SLC44A4: variants seen among roughly 807,000 people sequenced by gnomAD.
The protein encoded by SLC44A4 is solute carrier family 44 member 4, also known as choline transporter-like protein 4.
In SLC44A4, 74 loss-of-function variants were observed where a neutral mutation model predicts 97.0. The observed-to-expected ratio is 0.76, with a 90% CI of 0.63 to 0.93. The LOEUF (loss-of-function observed/expected upper bound fraction) is 0.93, where lower values mean the gene tolerates loss of function less well. Among genes scored for constraint, SLC44A4 ranks in the 40% least tolerant of loss-of-function variants. The pLI is 0.00. For synonymous variants in SLC44A4, 325 were observed against 363.8 expected (o/e 0.89, Z 1.21); for missense variants, 799 against 902.9 (o/e 0.88, Z 1.48).
chr6:31,875,082 G>A, intron 4 of SLC44A4, 54 bp from the exon 5 acceptor site: 1 of 1,433,946 alleles, frequency 7.0e-7, no homozygotes, highest in Non-Finnish European at 9.8e-7. Context: ...GTTGGGGGAG[G>A]GGAGGGACCA....
intron 11 of SLC44A4, among the ~76,000 whole-genome samples, chr6:31,870,248 GTGATCCCT>G (rs1763085175): frequency 1.3e-5 from 2 of 152,116 alleles, no homozygotes; most frequent in African/African-American, 4.8e-5. Flanking sequence ...ACCCCCAAGC[GTGATCCCT>G]TGGCAGGTGT....
chr6:31,867,662 G>A (rs1485802461), intron 13 of SLC44A4, among the ~76,000 whole-genome samples: 4 of 151,508 alleles, frequency 2.6e-5, no homozygotes, highest in Admixed American at 2.0e-4. Flanking sequence ...GGAGATCAAG[G>A]CTTCAGTGAG....
intron 7 of SLC44A4, among the ~76,000 whole-genome samples, chr6:31,873,797 G>C (rs1357214903): frequency 1.3e-5 from 2 of 152,114 alleles, no homozygotes; most frequent in Non-Finnish European, 2.9e-5. Flanking sequence ...TGTGCAGGCT[G>C]GGCGTGGTGG....
At chr6:31,864,376 T>G in intron 20 of SLC44A4, 1 of 557,042 alleles carries the variant, frequency 1.8e-6, no homozygotes, top group Non-Finnish European at 3.2e-6. Context: ...ATGCCTGGCC[T>G]CTAATGGCTA....
chr6:31,865,787 G>A lies in SLC44A4; in HGVS notation c.1488-3C>T. The A allele has an allele frequency of 5.0e-6, 8 of 1,613,874 alleles. No homozygotes were observed. The highest frequency in any genetic ancestry group is 6.8e-6 in the Non-Finnish European group (8 of 1,179,924). On this transcript the variant is annotated splice_polypyrimidine_tract_variant and splice_region_variant and intron_variant, in intron 14 of 20. Coordinates refer to ENST00000229729, the MANE Select transcript of SLC44A4 (RefSeq NM_025257.3). The surrounding 1 kb of genome is among the most constrained non-coding windows in gnomAD (Gnocchi z 5.2). Reference sequence around the variant, plus strand: ...ATGCCAATGACCCAGTGTGGTAACTGCAGAGGGTGTTATGCAGTCAGAGAC... The same window carrying A: ...ATGCCAATGACCCAGTGTGGTAACTACAGAGGGTGTTATGCAGTCAGAGAC...
chr6:31,870,483 G>T, intron 11 of SLC44A4, 120 bp downstream of exon 11: 1 of 734,000 alleles, frequency 1.4e-6, no homozygotes, highest in Non-Finnish European at 2.3e-6. Flanking sequence ...TCACCACTGT[G>T]CTATATTCCT....
In SLC44A4 at chr6:31,866,019, G is replaced by A. The variant is rs1039700611; in HGVS notation, c.1341C>T (p.Val447=). The change falls in exon 14 of 21, where the codon GTC becomes GTT. Residue 447 remains valine, a synonymous_variant. Transcript: ENST00000229729. ...AGTTAAGGGTCCAGAAGAGCCCCAG[G>A]ACCCCATAGATTTGCAGATTGAAGA... The part of the protein sequence containing the change: ...RSVFNLQIYG[V]LGLFWTLNWV... The A allele has an allele frequency of 1.2e-6, 2 of 1,614,238 alleles. No individual in the cohort carries two copies. The highest frequency in any genetic ancestry group is 1.7e-6 in the Non-Finnish European group (2 of 1,180,042).
Position 31,874,432 on chromosome 6 carries a change from G to T in SLC44A4, c.529+28C>A. On this transcript the variant is annotated intron_variant, in intron 7 of 20. Coordinates refer to ENST00000229729, the MANE Select transcript of SLC44A4 (RefSeq NM_025257.3). This position sits in a 1 kb window ranked among gnomAD's most constrained non-coding sequence, Gnocchi z 4.8. ...CAATGAAAACACTGGACTAGATGAC[G>T]TCTGAGGAAGGAATCTGTGCTTCTC... 6.2e-7 allele frequency: 1 copy of T among 1,609,972 alleles called. No individual in the cohort carries two copies. Among genetic ancestry groups the T allele is most frequent in the Non-Finnish European group, 8.5e-7 (1 of 1,177,234 alleles).
In SLC44A4 at chr6:31,864,923, T is replaced by C; in HGVS notation, c.1832-13A>G. ...AAGGACAGGACCCCTGTGGAATAATTCTGGGGGTTAGTGCTGCACCTCTGA... is the reference window on the plus strand; with the variant it reads ...AAGGACAGGACCCCTGTGGAATAATCCTGGGGGTTAGTGCTGCACCTCTGA... On this transcript the variant is annotated splice_polypyrimidine_tract_variant and intron_variant, in intron 18 of 20. Transcript: ENST00000229729. 1.2e-6 allele frequency: 2 copies of C among 1,613,762 alleles called. No individual in the cohort carries two copies. Among genetic ancestry groups the C allele is most frequent in the Non-Finnish European group, 1.7e-6 (2 of 1,179,860 alleles).
intron 9 of SLC44A4, 54 bp downstream of exon 9, chr6:31,871,260 G>A (rs1328722485): frequency 6.5e-7 from 1 of 1,535,204 alleles, no homozygotes; most frequent in African/African-American, 1.4e-5. Context: ...AGGGGGTAGA[G>A]GATCAGGGAG....
chr6:31,874,652 C>G lies in SLC44A4; in HGVS notation c.468+69G>C. ...GCCAACCTGGTGATGATCTACCCAA[C>G]TCCCCCTCCCTCTCGTGCCCACCCT... On this transcript the variant is annotated intron_variant, in intron 6 of 20. Coordinates refer to ENST00000229729, the MANE Select transcript of SLC44A4 (RefSeq NM_025257.3). This position sits in a 1 kb window ranked among gnomAD's most constrained non-coding sequence, Gnocchi z 4.8. 1 of 1,564,558 alleles carries G rather than the reference C, an allele frequency of 6.4e-7. No individual in the cohort carries two copies. The highest frequency in any genetic ancestry group is 8.7e-7 in the Non-Finnish European group (1 of 1,155,760).
At position 31,871,329 on chromosome 6, in the gene SLC44A4, C is replaced by T. The variant is rs1763163431; in HGVS notation, c.686G>A (p.Trp229Ter). The T allele has an allele frequency of 5.0e-6, 8 of 1,614,112 alleles. No individual in the cohort carries two copies. Among genetic ancestry groups the T allele is most frequent in the Non-Finnish European group, 5.9e-6 (7 of 1,179,992 alleles). The change falls in exon 9 of 21, where the codon TGG becomes TAG. Residue 229 changes from tryptophan to a stop codon, truncating the protein, a stop_gained. Coordinates refer to ENST00000229729, the MANE Select transcript of SLC44A4 (RefSeq NM_025257.3). LOFTEE classifies it high-confidence loss of function. ...VKIFEDFAQS[W>*]YWILVALGVA... ...GGTGACTCACACAAGAATCCAATAC[C>T]AGGACTGGGCAAAATCTTCAAAGAT...
chr6:31,866,211 G>A, intron 13 of SLC44A4, 85 bp from the exon 14 acceptor site: 1 of 1,513,582 alleles, frequency 6.6e-7, no homozygotes, highest in Non-Finnish European at 8.9e-7. Context: ...AGTAGCTCCT[G>A]CCCCTCCCAG....
chr6:31,865,493 C>T lies in SLC44A4; in HGVS notation c.1686+5G>A, dbSNP rs768475513. The T allele has an allele frequency of 1.9e-6, 3 of 1,611,564 alleles. No homozygotes were observed. Among genetic ancestry groups the T allele is most frequent in the Non-Finnish European group, 2.5e-6 (3 of 1,177,944 alleles). On this transcript the variant is annotated splice_donor_5th_base_variant and intron_variant, in intron 16 of 20. Transcript: ENST00000229729. This position sits in a 1 kb window ranked among gnomAD's most constrained non-coding sequence, Gnocchi z 5.2. Reference sequence around the variant, plus strand: ...GAACAAAGGGTTGCTTGCAGTGTAGCTCACCATGATGTATGCATTGCGGTT... The same window carrying T: ...GAACAAAGGGTTGCTTGCAGTGTAGTTCACCATGATGTATGCATTGCGGTT...
Position 31,863,557 on chromosome 6 carries a change from G to C in SLC44A4, c.*70C>G. 6.4e-7 allele frequency: 1 copy of C among 1,553,954 alleles called. No individual in the cohort carries two copies. The highest frequency in any genetic ancestry group is 8.7e-7 in the Non-Finnish European group (1 of 1,153,032). ...TTTTTTTACCACAAAATGGAGACCT[G>C]TAAGGCGAAGTGAGGTTGGATGGCT... On this transcript the variant is annotated 3_prime_UTR_variant, in exon 21 of 21. Coordinates refer to ENST00000229729, the MANE Select transcript of SLC44A4 (RefSeq NM_025257.3).
chr6:31,872,067 C>G (rs189461478), intron 7 of SLC44A4, among the ~76,000 whole-genome samples: 4 of 152,080 alleles, frequency 2.6e-5, no homozygotes, highest in Non-Finnish European at 5.9e-5. Context: ...GAAATCCCAT[C>G]CATGACTCCC....
At chr6:31,871,283 G>C in intron 9 of SLC44A4, 31 bp downstream of exon 9, 1 of 1,593,542 alleles carries the variant, frequency 6.3e-7, no homozygotes, top group Non-Finnish European at 8.6e-7. Flanking sequence ...AGAAGGCAAG[G>C]ACACAAGAGG....
rs1039746409 is a variant in SLC44A4, at chr6:31,875,896, G to T, written c.198C>A (p.Tyr66Ter). 1 of 1,613,652 alleles carries T rather than the reference G, an allele frequency of 6.2e-7. No individual in the cohort carries two copies. The highest frequency in any genetic ancestry group is 8.5e-7 in the Non-Finnish European group (1 of 1,179,900). The change falls in exon 4 of 21, where the codon TAC (tyrosine) becomes TAA (stop). Residue 66 changes from tyrosine (Y) to a stop codon, truncating the protein, a stop_gained. Coordinates refer to ENST00000229729, the MANE Select transcript of SLC44A4 (RefSeq NM_025257.3). LOFTEE classifies it high-confidence loss of function. ...WLYGDPRQVL[Y>*]PRNSTGAYCG... The stretch of plus-strand genomic sequence containing the variant: ...AGTAGGCCCCAGTAGAGTTCCTGGG[G>T]TAGAGGACTTGCCGGGGGTCTCCAT...
At chr6:31,872,330 G>T (rs1763220085) in intron 7 of SLC44A4, among the ~76,000 whole-genome samples, 1 of 152,014 alleles carries the variant, frequency 6.6e-6, no homozygotes, top group Non-Finnish European at 1.5e-5. Flanking sequence ...TGAACTTCTG[G>T]GCTCAAGCGA....
Sources: allele counts gnomAD v4.1 joint callset (sites outside exome capture counted in the v4.1 genomes callset), GRCh38; gene constraint gnomAD v4.1.1; non-coding constraint Gnocchi (gnomAD v3.1); transcripts MANE v1.5; gene names NCBI Gene and HGNC (gene_info 2026-07-23, HGNC 2026-07-21).